Variants in SORCS2 observed in about 807,000 individuals in gnomAD.
SORCS2 encodes sortilin related VPS10 domain containing receptor 2.
In SORCS2, 100 loss-of-function variants were observed where a neutral mutation model predicts 141.6. That is an observed-to-expected ratio of 0.71 (90% CI 0.60 to 0.83). SORCS2 has a LOEUF of 0.83. Among genes scored for constraint, SORCS2 ranks in the 40% least tolerant of loss-of-function variants. SORCS2 has a pLI of 0.00. For synonymous variants in SORCS2, 789 were observed against 676.9 expected (o/e 1.17, Z -2.57); for missense variants, 1,646 against 1,560.2 (o/e 1.05, Z -0.93).
chr4:7,296,941 C>T (rs1717106804), intron 1 of SORCS2, among the ~76,000 whole-genome samples: 1 of 152,332 alleles, frequency 6.6e-6, no homozygotes, highest in East Asian at 1.9e-4. Context: ...CCGAGGTGCC[C>T]AGGCCAGCTT....
chr4:7,224,275 C>G (rs1728874049), intron 1 of SORCS2, among the ~76,000 whole-genome samples: 1 of 152,258 alleles, frequency 6.6e-6, no homozygotes, highest in African/African-American at 2.4e-5. Flanking sequence ...TCCTTGAAAT[C>G]TGCCTCTAGC....
chr4:7,376,790 A>C (rs1722684815), intron 1 of SORCS2, among the ~76,000 whole-genome samples: 1 of 138,092 alleles, frequency 7.2e-6, no homozygotes, highest in South Asian at 2.4e-4. Context: ...TGAGTTAAAC[A>C]GGTATTTGCT....
rs765913654 is a variant in SORCS2 at position 7,664,408 on chromosome 4, C to T, written c.1008C>T (p.Ala336=). 4 of 1,613,800 alleles carry T rather than the reference C, an allele frequency of 2.5e-6. No homozygotes were observed. The highest frequency in any genetic ancestry group is 3.4e-6 in the Non-Finnish European group (4 of 1,179,874). The change falls in exon 7 of 27, where the codon GCC becomes GCT. Residue 336 remains alanine, a synonymous_variant. Transcript: ENST00000507866. The surrounding 1 kb of genome is among the most constrained non-coding windows in gnomAD (Gnocchi z 4.7). ...IHNCSEKMLT[A]PFAGPIDHGS... is the part of the protein sequence containing the mutation. Reference sequence around the variant, plus strand: ...ATTGCTCCGAGAAGATGCTGACAGCCCCATTCGCAGGCCCCATTGACCACG... The same window carrying T: ...ATTGCTCCGAGAAGATGCTGACAGCTCCATTCGCAGGCCCCATTGACCACG...
At chr4:7,476,246 T>C (rs546199450) in intron 2 of SORCS2, among the ~76,000 whole-genome samples, 4 of 152,296 alleles carry the variant, frequency 2.6e-5, no homozygotes, top group African/African-American at 9.6e-5. Context: ...GATATACACA[T>C]AGACACAGAT....
chr4:7,680,251 A>T lies in SORCS2; in HGVS notation c.1342-2492A>T, dbSNP rs187659304. ...TGTCTGCAGCCAATCTATAGGCAAC[A>T]CTCACACTCATACTCACACACAGAG... On this transcript the variant is annotated intron_variant, in intron 9 of 26. Coordinates refer to ENST00000507866, the MANE Select transcript of SORCS2 (RefSeq NM_020777.3). 9.9e-5 allele frequency among the ~76,000 whole-genome samples: 15 copies of T among 152,254 alleles called. No homozygotes were observed. In the East Asian group the frequency reaches 2.9e-3, roughly 29 times the overall value.
intron 1 of SORCS2, among the ~76,000 whole-genome samples, chr4:7,239,009 G>A (rs964568781): frequency 3.3e-5 from 5 of 152,218 alleles, no homozygotes; most frequent in East Asian, 1.9e-4. Context: ...CATGGCCCAC[G>A]TCCCTGTGGA....
chr4:7,606,415 T>A (rs1258205780), intron 3 of SORCS2, among the ~76,000 whole-genome samples: 1 of 152,178 alleles, frequency 6.6e-6, no homozygotes, highest in Non-Finnish European at 1.5e-5. Flanking sequence ...GTTGAAACAG[T>A]TACACAGTAT....
At chr4:7,342,781 C>T (rs541261407) in intron 1 of SORCS2, among the ~76,000 whole-genome samples, 13 of 152,302 alleles carry the variant, frequency 8.5e-5, no homozygotes, top group Admixed American at 7.8e-4. Context: ...TGGCCGCTGG[C>T]ATGGGCGGTA....
intron 8 of SORCS2, 144 bp from the exon 9 acceptor site, chr4:7,675,906 G>C (rs539400212): frequency 6.0e-6 from 5 of 836,626 alleles, no homozygotes; most frequent in Non-Finnish European, 7.5e-6. Flanking sequence ...CAGAGCAGCC[G>C]AGCCAGGAGG....
intron 2 of SORCS2, among the ~76,000 whole-genome samples, chr4:7,480,990 A>G (rs933135535): frequency 6.6e-6 from 1 of 152,250 alleles, no homozygotes; most frequent in African/African-American, 2.4e-5. Context: ...AGAGGTGGCG[A>G]AATCCTGAGG....
chr4:7,192,847 G>C lies in SORCS2; in HGVS notation c.201G>C (p.Val67=). ...RLGPHAQLTR[V]PRSPPAGRAE... ...GTCCTCACGCCCAACTGACCCGGGT[G>C]CCGCGGAGCCCTCCCGCGGGGCGCG... The change falls in exon 1 of 27, where the codon GTG becomes GTC. Residue 67 remains valine, a synonymous_variant. Coordinates refer to ENST00000507866, the MANE Select transcript of SORCS2 (RefSeq NM_020777.3). This position sits in a 1 kb window ranked among gnomAD's most constrained non-coding sequence, Gnocchi z 4.0. 1 of 1,047,188 alleles carries C rather than the reference G, an allele frequency of 9.5e-7. No homozygotes were observed. Among genetic ancestry groups the C allele is most frequent in the Non-Finnish European group, 1.1e-6 (1 of 872,082 alleles). 64.9% of individuals were successfully genotyped at this position (1,047,188 alleles called of 1,614,324 possible).
At chr4:7,388,571 G>A (rs1235217891) in intron 1 of SORCS2, among the ~76,000 whole-genome samples, 2 of 152,080 alleles carry the variant, frequency 1.3e-5, no homozygotes, top group African/African-American at 4.8e-5. Flanking sequence ...ACCCACAGGT[G>A]TCCACCTGAT....
intron 1 of SORCS2, among the ~76,000 whole-genome samples, chr4:7,284,175 T>C (rs543656639): frequency 7.6e-4 from 116 of 152,266 alleles, no homozygotes; most frequent in African/African-American, 2.7e-3. Context: ...GCTCCTTCCC[T>C]GGCCATTTTC....
intron 2 of SORCS2, among the ~76,000 whole-genome samples, chr4:7,428,833 T>C (rs914796283): frequency 6.6e-6 from 1 of 152,028 alleles, no homozygotes; most frequent in African/African-American, 2.4e-5. Flanking sequence ...GGCCCGGACT[T>C]AGATTTTGTC....
intron 3 of SORCS2, among the ~76,000 whole-genome samples, chr4:7,565,460 AATG>A (rs1484204562): frequency 8.5e-5 from 13 of 152,322 alleles, no homozygotes; most frequent in East Asian, 3.9e-4. Flanking sequence ...ATGCTATAAT[AATG>A]ATGATGAAAA....
intron 2 of SORCS2, among the ~76,000 whole-genome samples, chr4:7,474,493 C>T (rs1446087457): frequency 6.6e-6 from 1 of 152,210 alleles, no homozygotes; most frequent in East Asian, 1.9e-4. Flanking sequence ...CTGATGTCCG[C>T]AGCACGGTCC....
At chr4:7,231,798 G>A (rs1711909272) in intron 1 of SORCS2, among the ~76,000 whole-genome samples, 2 of 152,200 alleles carry the variant, frequency 1.3e-5, no homozygotes, top group African/African-American at 4.8e-5. Context: ...GACTGCCATG[G>A]TGTGGGTGGT....
intron 10 of SORCS2, among the ~76,000 whole-genome samples, chr4:7,684,625 G>C (rs1723758196): frequency 6.6e-6 from 1 of 152,148 alleles, no homozygotes; most frequent in Non-Finnish European, 1.5e-5. Context: ...GCTTCCTCAT[G>C]TGTAAAATAG....
intron 11 of SORCS2, 90 bp downstream of exon 11, chr4:7,689,678 C>A: frequency 4.0e-6 from 5 of 1,250,808 alleles, no homozygotes; most frequent in Non-Finnish European, 5.6e-6. Context: ...TGGTCATGAG[C>A]CTGAGGCCAT....
Sources: gnomAD v4.1 joint callset for allele counts (sites outside exome capture counted in the v4.1 genomes callset) on GRCh38, gnomAD v4.1.1 for gene constraint, Gnocchi (gnomAD v3.1) non-coding constraint, MANE v1.5 for transcripts, NCBI Gene and HGNC (gene_info 2026-07-23, HGNC 2026-07-21) for gene names.